Variants in FSTL5 observed in about 807,000 individuals in gnomAD.
FSTL5 encodes the protein follistatin-related protein 5.
In FSTL5, 62 loss-of-function variants were observed where a neutral mutation model predicts 89.1. The ratio of observed to expected loss-of-function variants is 0.70; its 90% CI spans 0.57 to 0.86. The LOEUF is 0.86. Among genes scored for constraint, FSTL5 ranks in the 40% least tolerant of loss-of-function variants. The pLI is 0.00. For synonymous variants in FSTL5, 383 were observed against 346.2 expected (o/e 1.11, Z -1.18); for missense variants, 1,057 against 1,001.6 (o/e 1.06, Z -0.75).
chr4:161,769,800 A>G (rs1465123048), intron 5 of FSTL5, among the ~76,000 whole-genome samples: 1 of 151,990 alleles, frequency 6.6e-6, no homozygotes, highest in Non-Finnish European at 1.5e-5. Context: ...TAGTTCTGGA[A>G]GTCCTAGCTA....
At chr4:162,031,468 T>G (rs1388874445) in intron 3 of FSTL5, among the ~76,000 whole-genome samples, 1 of 152,094 alleles carries the variant, frequency 6.6e-6, no homozygotes, top group East Asian at 1.9e-4. Context: ...TGAAAATGGG[T>G]TTTTAATCTT....
intron 4 of FSTL5, among the ~76,000 whole-genome samples, chr4:161,899,529 ACTGCCAGGGAG>A (rs1314048527): frequency 6.6e-6 from 1 of 152,184 alleles, no homozygotes; most frequent in East Asian, 1.9e-4. Flanking sequence ...ATCTTAGTGA[ACTGCCAGGGAG>A]CTGCTCTATT....
At chr4:161,712,405 C>A (rs1049697757) in intron 6 of FSTL5, among the ~76,000 whole-genome samples, 1 of 151,924 alleles carries the variant, frequency 6.6e-6, no homozygotes, top group African/African-American at 2.4e-5. Context: ...CAAATTTGAC[C>A]ATGGGATTAA....
intron 6 of FSTL5, among the ~76,000 whole-genome samples, chr4:161,690,734 C>A (rs1426796156): frequency 6.6e-6 from 1 of 151,998 alleles, no homozygotes; most frequent in African/African-American, 2.4e-5. Context: ...GTTTGTTGTA[C>A]AGATTATTTC....
At chr4:161,521,633 G>A (rs978438315) in intron 10 of FSTL5, among the ~76,000 whole-genome samples, 1 of 151,926 alleles carries the variant, frequency 6.6e-6, no homozygotes, top group Non-Finnish European at 1.5e-5. Context: ...CAGATCACAA[G>A]GTCAGGAGAT....
At chr4:161,792,476 C>T (rs1458563459) in intron 4 of FSTL5, among the ~76,000 whole-genome samples, 1 of 152,150 alleles carries the variant, frequency 6.6e-6, no homozygotes, top group Non-Finnish European at 1.5e-5. Flanking sequence ...AGCCTGGGGA[C>T]TGGGATGCCA....
chr4:161,894,937 A>G (rs1733107774), intron 4 of FSTL5, among the ~76,000 whole-genome samples: 1 of 152,252 alleles, frequency 6.6e-6, no homozygotes, highest in Admixed American at 6.5e-5. Context: ...AAAGCAAATC[A>G]ATGCTTTGAA....
chr4:161,543,152 T>G (rs1731890224), intron 8 of FSTL5, among the ~76,000 whole-genome samples: 1 of 152,028 alleles, frequency 6.6e-6, no homozygotes, highest in South Asian at 2.1e-4. Flanking sequence ...TATTATAGCC[T>G]GTTAGGAAAT....
chr4:161,546,815 G>T (rs576547434), intron 8 of FSTL5, among the ~76,000 whole-genome samples: 2 of 151,816 alleles, frequency 1.3e-5, no homozygotes, highest in South Asian at 4.2e-4. Context: ...AATAAAATGG[G>T]GCTGGAGGCA....
chr4:161,977,633 A>AT (rs751132063), intron 3 of FSTL5, among the ~76,000 whole-genome samples: 2,238 of 111,636 alleles, frequency 0.02, 23 homozygotes, highest in East Asian at 0.039. Context: ...AAAAAAAAAA[A>AT]AAAAAAAATA....
intron 3 of FSTL5, among the ~76,000 whole-genome samples, chr4:161,938,435 T>A (rs1734490605): frequency 6.6e-6 from 1 of 152,100 alleles, no homozygotes. Context: ...AAGTTATATA[T>A]AAACATATAG....
intron 4 of FSTL5, among the ~76,000 whole-genome samples, chr4:161,848,163 TA>T (rs1259280394): frequency 1.3e-5 from 2 of 151,132 alleles, no homozygotes; most frequent in East Asian, 3.9e-4. Flanking sequence ...TTCAGAATAC[TA>T]AAATGACTTA....
intron 4 of FSTL5, among the ~76,000 whole-genome samples, chr4:161,789,389 C>G (rs74510548): frequency 1.3e-5 from 2 of 151,856 alleles, no homozygotes; most frequent in Non-Finnish European, 2.9e-5. Flanking sequence ...CCTTTTGTGG[C>G]CTTTGAGGTA....
rs1578932998 is a variant in FSTL5 at position 161,385,691 on chromosome 4, G to T, written c.*56C>A. ...AAGTTAAGTTGTAAATTTAAACAAT[G>T]GATTAAGTGCAATGTATTGTAAAAC... On this transcript the variant is annotated 3_prime_UTR_variant, in exon 16 of 16. Transcript: ENST00000306100. The T allele has an allele frequency of 3.8e-5, 46 of 1,224,968 alleles. No individual in the cohort carries two copies. The East Asian group carries it at 5.9e-4, about 16-fold the overall frequency. 75.9% of individuals were successfully genotyped at this position (1,224,968 alleles called of 1,614,324 possible). A position where few individuals can be genotyped will look rare whatever the true frequency, so the allele number is the denominator to read the frequency against.
At chr4:161,566,160 G>C (rs1732809317) in intron 8 of FSTL5, among the ~76,000 whole-genome samples, 1 of 116,634 alleles carries the variant, frequency 8.6e-6, no homozygotes, top group Non-Finnish European at 1.7e-5. Flanking sequence ...ACACACCGTG[G>C]AATGCTCCTC....
Position 161,494,783 on chromosome 4 carries a change from G to A in FSTL5, c.1458+5233C>T, listed in dbSNP as rs535440335. On this transcript the variant is annotated intron_variant, in intron 12 of 15. Transcript: ENST00000306100. ...TTAGCACTAAAACCAGGAATAGGCT[G>A]GCTGAGGTGTCTCATGGCTATAATC... Among the ~76,000 whole-genome samples the A allele has an allele frequency of 2.0e-5, 3 of 152,256 alleles. No homozygotes were observed. In the Middle Eastern group the frequency reaches 0.01, roughly 521 times the overall value.
At chr4:161,482,098 A>G (rs981628527) in intron 12 of FSTL5, among the ~76,000 whole-genome samples, 2 of 152,190 alleles carry the variant, frequency 1.3e-5, no homozygotes, top group African/African-American at 2.4e-5. Context: ...AGGCAGATGG[A>G]TCACGAGGTC....
At chr4:162,104,130 A>T (rs115414667) in intron 2 of FSTL5, among the ~76,000 whole-genome samples, 3,471 of 152,284 alleles carry the variant, frequency 0.023, 122 homozygotes, top group African/African-American at 0.077. Context: ...CTCCGGATCC[A>T]GCAAGGTATC....
chr4:161,418,867 A>G (rs565880892), intron 15 of FSTL5, among the ~76,000 whole-genome samples: 1 of 152,342 alleles, frequency 6.6e-6, no homozygotes, highest in Admixed American at 6.5e-5. Flanking sequence ...ATCAAATACA[A>G]GCTGCCTTGC....
Sources: allele counts gnomAD v4.1 joint callset (sites outside exome capture counted in the v4.1 genomes callset), GRCh38; gene constraint gnomAD v4.1.1; transcripts MANE v1.5; gene names NCBI Gene and HGNC (gene_info 2026-07-23, HGNC 2026-07-21).